IKBKB: variants seen among roughly 807,000 people sequenced by gnomAD.
IKBKB encodes the protein inhibitor of nuclear factor kappa-B kinase subunit beta.
In IKBKB, 42 loss-of-function variants were observed where a neutral mutation model predicts 113.6. The ratio of observed to expected loss-of-function variants is 0.37; its 90% CI spans 0.29 to 0.48. The LOEUF (loss-of-function observed/expected upper bound fraction) is 0.48. IKBKB is among the 20% of genes least tolerant of loss of function. The pLI is 0.99. For missense variants in IKBKB, 673 were observed against 939.7 expected, an observed-to-expected ratio of 0.72 and a Z score of 3.71; for synonymous variants, 296 against 361.3, an observed-to-expected ratio of 0.82 and a Z score of 2.05.
rs1216423218 is a variant in IKBKB at position 42,331,893 on chromosome 8, T to A, written c.*914T>A. The A allele has an allele frequency of 1.3e-4, 22 of 169,148 alleles. No homozygotes were observed. Among genetic ancestry groups the A allele is most frequent in the Admixed American group, 1.2e-3 (22 of 18,446 alleles). The allele number at this position is 169,148 out of a possible 1,614,324, so 10.5% of individuals were successfully genotyped here. On this transcript the variant is annotated 3_prime_UTR_variant, in exon 22 of 22. Transcript: ENST00000520810. ...CACAGCATCTAGCAGTATTATTAAA[T>A]GGATTCATTTTAAAAATAGCTCCTA...
At chr8:42,319,707 T>G in intron 15 of IKBKB, 61 bp downstream of exon 15, 1 of 1,349,324 alleles carries the variant, frequency 7.4e-7, no homozygotes, top group Admixed American at 2.3e-5. Flanking sequence ...TGCTCCCACT[T>G]TTCACTTTCT....
chr8:42,281,586 G>A lies in IKBKB; in HGVS notation c.106-7048G>A, dbSNP rs530860535. Among the ~76,000 whole-genome samples the A allele has an allele frequency of 2.0e-3, 297 of 152,260 alleles. 3 individuals carry two copies. The Middle Eastern group carries it at 0.024, about 12-fold the overall frequency. On this transcript the variant is annotated intron_variant, in intron 2 of 21. Transcript: ENST00000520810. Reference sequence around the variant, plus strand: ...GTGAAGAAGTCATGGCCCTCTTAGCGTAGACCAGGCGATGCTGGGGCCCAG... The same window carrying A: ...GTGAAGAAGTCATGGCCCTCTTAGCATAGACCAGGCGATGCTGGGGCCCAG...
intron 5 of IKBKB, among the ~76,000 whole-genome samples, chr8:42,299,501 C>T (rs1254755686): frequency 2.6e-5 from 4 of 151,734 alleles, no homozygotes; most frequent in African/African-American, 9.7e-5. Context: ...GGAACCCACC[C>T]GCCAGCCTCC....
At chr8:42,290,304 C>G in intron 4 of IKBKB, 31 bp downstream of exon 4, 3 of 1,460,722 alleles carry the variant, frequency 2.1e-6, no homozygotes, top group Non-Finnish European at 1.9e-6. Flanking sequence ...AGGTGCACAG[C>G]CTGTCTGGGC....
chr8:42,281,681 C>A (rs1252067091), intron 2 of IKBKB, among the ~76,000 whole-genome samples: 1 of 152,194 alleles, frequency 6.6e-6, no homozygotes, highest in Non-Finnish European at 1.5e-5. Flanking sequence ...TGGCTCCCAG[C>A]CCTGGGTCCT....
At position 42,316,964 on chromosome 8, in the gene IKBKB, C is replaced by T; in HGVS notation, c.1125+60C>T. On this transcript the variant is annotated intron_variant, in intron 11 of 21. Coordinates refer to ENST00000520810, the MANE Select transcript of IKBKB (RefSeq NM_001556.3). The surrounding 1 kb of genome is among the most constrained non-coding windows in gnomAD (Gnocchi z 4.5). ...CCTTGGCTGTGCCTCCTGGGAAACT[C>T]AACACACTTTCAGATTTCAATTCTG... The T allele has an allele frequency of 6.9e-7, 1 of 1,444,416 alleles. No homozygotes were observed. Among genetic ancestry groups the T allele is most frequent in the South Asian group, 1.2e-5 (1 of 84,908 alleles). The allele number at this position is 1,444,416 out of a possible 1,614,324, so 89.5% of individuals were successfully genotyped here. A position where few individuals can be genotyped will look rare whatever the true frequency, so the allele number is the denominator to read the frequency against.
rs547285858 is a variant in IKBKB at position 42,291,250 on chromosome 8, C to T, written c.318+977C>T. On this transcript the variant is annotated intron_variant, in intron 4 of 21. Coordinates refer to ENST00000520810, the MANE Select transcript of IKBKB (RefSeq NM_001556.3). ...AGGCTGGAGTGCAGTGGCGTGATCT[C>T]GGCTCACTGTAACCTCCATCTCCTG... 2.0e-5 allele frequency among the ~76,000 whole-genome samples: 3 copies of T among 152,224 alleles called. No individual in the cohort carries two copies. In the East Asian group the frequency reaches 5.8e-4, roughly 29 times the overall value.
chr8:42,318,951 A>G, intron 13 of IKBKB: 1 of 529,782 alleles, frequency 1.9e-6, no homozygotes, highest in Non-Finnish European at 3.4e-6. Context: ...AGAGGAGCTC[A>G]CTACCATGTG....
At position 42,328,409 on chromosome 8, in the gene IKBKB, T is replaced by C. The variant is rs374700100; in HGVS notation, c.2115-715T>C. On this transcript the variant is annotated intron_variant, in intron 20 of 21. Transcript: ENST00000520810. Reference sequence around the variant, plus strand: ...CCATAGATGAGGCTTGGCAGAAATGTGCTCTGAGCTCCTGCCATCAGATTG... The same window carrying C: ...CCATAGATGAGGCTTGGCAGAAATGCGCTCTGAGCTCCTGCCATCAGATTG... 3.3e-5 allele frequency among the ~76,000 whole-genome samples: 5 copies of C among 152,300 alleles called. No homozygotes were observed. In the East Asian group the frequency reaches 9.6e-4, roughly 29 times the overall value.
Position 42,305,146 on chromosome 8 carries a change from A to G in IKBKB, c.389-41A>G, listed in dbSNP as rs754865895. The G allele has an allele frequency of 2.9e-6, 4 of 1,377,788 alleles. No individual in the cohort carries two copies. In the South Asian group the frequency reaches 4.7e-5, roughly 16 times the overall value. 85.3% of individuals were successfully genotyped at this position (1,377,788 alleles called of 1,614,324 possible). On this transcript the variant is annotated intron_variant, in intron 5 of 21. Transcript: ENST00000520810. ...GATAGGAGATTCTGTCATGAAAAGC[A>G]TTTTTTAGGCCTAAGAAAAACTCAC...
chr8:42,317,808 C>T (rs201573706), intron 12 of IKBKB, 37 bp downstream of exon 12: 6 of 1,424,992 alleles, frequency 4.2e-6, no homozygotes, highest in South Asian at 1.1e-5. Context: ...CTAAATAATC[C>T]GTTATAATAT....
chr8:42,312,710 C>T (rs181500694), intron 8 of IKBKB, among the ~76,000 whole-genome samples: 427 of 152,296 alleles, frequency 2.8e-3, no homozygotes, highest in African/African-American at 9.5e-3. Context: ...TTGGAGCCCC[C>T]GACTTAGAGC....
intron 2 of IKBKB, among the ~76,000 whole-genome samples, chr8:42,282,369 GT>G (rs1810546825): frequency 6.6e-6 from 1 of 152,108 alleles, no homozygotes; most frequent in Admixed American, 6.6e-5. Context: ...TGCCTGGCTA[GT>G]TTTTAAAAAT....
intron 17 of IKBKB, 45 bp from the exon 18 acceptor site, chr8:42,322,009 T>C: frequency 6.2e-7 from 1 of 1,606,704 alleles, no homozygotes; most frequent in Non-Finnish European, 8.5e-7. Flanking sequence ...ATCACTACTC[T>C]CTGCTGGCTT....
intron 3 of IKBKB, 33 bp downstream of exon 3, chr8:42,288,761 A>C: frequency 6.5e-7 from 1 of 1,527,894 alleles, no homozygotes; most frequent in East Asian, 2.3e-5. Flanking sequence ...CCCAAGGGAA[A>C]GCTGGAGCAG....
At chr8:42,309,480 T>C (rs1293496177) in intron 8 of IKBKB, 3 of 416,384 alleles carry the variant, frequency 7.2e-6, no homozygotes, top group African/African-American at 2.1e-5. Flanking sequence ...TGTGGCCGGG[T>C]ACAGTGGCTC....
rs1007523723 is a variant in IKBKB, at chr8:42,321,831, A to G, written c.1689-65A>G. On this transcript the variant is annotated intron_variant, in intron 16 of 21. Transcript: ENST00000520810. ...AACATGGTGAAACTCTACCTCTACC[A>G]AAAAAATGTAAAAATTAGCCATATT... is the stretch of plus-strand genomic sequence containing the variant. 8.1e-6 allele frequency: 10 copies of G among 1,237,486 alleles called. No homozygotes were observed. The African/African-American group carries it at 1.2e-4, about 15-fold the overall frequency. The allele number at this position is 1,237,486 out of a possible 1,614,324, so 76.7% of individuals were successfully genotyped here. A position where few individuals can be genotyped will look rare whatever the true frequency, so the allele number is the denominator to read the frequency against.
chr8:42,278,457 C>T (rs1240569591), intron 2 of IKBKB, among the ~76,000 whole-genome samples: 2 of 152,190 alleles, frequency 1.3e-5, no homozygotes, highest in Non-Finnish European at 2.9e-5. Context: ...AAAAAATCAG[C>T]TCTCGGAAGA....
chr8:42,273,416 A>G (rs1808241450), intron 2 of IKBKB, among the ~76,000 whole-genome samples: 1 of 128,488 alleles, frequency 7.8e-6, no homozygotes. Flanking sequence ...CCCTGTCTCA[A>G]AAAATATATA....
Sources: allele counts gnomAD v4.1 joint callset (sites outside exome capture counted in the v4.1 genomes callset), GRCh38; gene constraint gnomAD v4.1.1; non-coding constraint Gnocchi (gnomAD v3.1); transcripts MANE v1.5; gene names NCBI Gene and HGNC (gene_info 2026-07-23, HGNC 2026-07-21).